The following ATXN10 variants were observed in gnomAD, a reference collection of about 807,000 sequenced individuals.
The protein encoded by ATXN10 is ataxin 10.
In ATXN10, 28 loss-of-function variants were observed where a neutral mutation model predicts 52.9. The ratio of observed to expected loss-of-function variants is 0.53; its 90% confidence interval spans 0.39 to 0.73. ATXN10 has a LOEUF of 0.73. ATXN10 is among the 30% of genes least tolerant of loss of function. The pLI, the probability that ATXN10 is intolerant of heterozygous loss-of-function variation, is 0.00. For missense variants in ATXN10, 565 were observed against 577.0 expected (o/e 0.98, Z 0.21); for synonymous variants, 226 against 221.5 (o/e 1.02, Z -0.18).
intron 9 of ATXN10, chr22:45,793,698 T>C: frequency 6.8e-7 from 1 of 1,478,782 alleles, no homozygotes; most frequent in Admixed American, 2.1e-5. Flanking sequence ...ATCACACAGC[T>C]CCATGCTGAG....
rs1045075355 is a variant in ATXN10, at chr22:45,671,854, G to C, written c.-210G>C. ...GCGGCGCCGTCTCCTCCTCCCGCCT[G>C]AGGCGAGTCTGGGCTCAGCCTAGAG... On this transcript the variant is annotated 5_prime_UTR_variant, in exon 1 of 12. Coordinates refer to ENST00000252934, the MANE Select transcript of ATXN10 (RefSeq NM_013236.4). 1 of 436,248 alleles carries C rather than the reference G, an allele frequency of 2.3e-6. No individual in the cohort carries two copies. 27.0% of individuals were successfully genotyped at this position (436,248 alleles called of 1,614,324 possible).
rs1359821402 is a variant in ATXN10 at position 45,841,503 on chromosome 22, G to C, written c.1238-1488G>C. Among the ~76,000 whole-genome samples, 1 of 152,216 alleles carries C rather than the reference G, an allele frequency of 6.6e-6. No homozygotes were observed. The highest frequency in any genetic ancestry group is 2.4e-5 in the African/African-American group (1 of 41,462). ...GCTGTGGAGGAGCTGGGAGACACAG[G>C]CCAGGAGCTTAAGTGCTGTGAGTAG... On this transcript the variant is annotated intron_variant, in intron 10 of 11. Transcript: ENST00000252934. This position sits in a 1 kb window ranked among gnomAD's most constrained non-coding sequence, Gnocchi z 5.1.
intron 9 of ATXN10, among the ~76,000 whole-genome samples, chr22:45,801,420 G>A (rs1029235946): frequency 5.9e-5 from 9 of 152,176 alleles, no homozygotes; most frequent in Non-Finnish European, 1.2e-4. Context: ...ATATGTTGCT[G>A]CCCAGGCATT....
Position 45,818,189 on chromosome 22 carries a change from A to C in ATXN10, c.1237+11167A>C, listed in dbSNP as rs1329920288. Among the ~76,000 whole-genome samples the C allele has an allele frequency of 6.6e-6, 1 of 152,214 alleles. No homozygotes were observed. Among genetic ancestry groups the C allele is most frequent in the Non-Finnish European group, 1.5e-5 (1 of 68,044 alleles). On this transcript the variant is annotated intron_variant, in intron 10 of 11. Transcript: ENST00000252934. This position sits in a 1 kb window ranked among gnomAD's most constrained non-coding sequence, Gnocchi z 4.6. Reference sequence around the variant, plus strand: ...CATTTTCTTACACCTCCAGAATCACAGAGGCTAGAAGCTAAAGCTGTGTCA... The same window carrying C: ...CATTTTCTTACACCTCCAGAATCACCGAGGCTAGAAGCTAAAGCTGTGTCA...
rs997342843 is a variant in ATXN10, at chr22:45,787,743, T to G, written c.1174-19216T>G. On this transcript the variant is annotated intron_variant, in intron 9 of 11. Coordinates refer to ENST00000252934, the MANE Select transcript of ATXN10 (RefSeq NM_013236.4). This position sits in a 1 kb window ranked among gnomAD's most constrained non-coding sequence, Gnocchi z 4.2. ...CAGAACACAGTAGGACATTTGCATA[T>G]TTCACAGCCCGCAGTTTGGAAATAC... Among the ~76,000 whole-genome samples the G allele has an allele frequency of 1.3e-5, 2 of 152,220 alleles. No individual in the cohort carries two copies. Among genetic ancestry groups the G allele is most frequent in the Non-Finnish European group, 2.9e-5 (2 of 68,048 alleles).
intron 9 of ATXN10, among the ~76,000 whole-genome samples, chr22:45,758,058 A>G (rs980694865): frequency 9.8e-5 from 15 of 152,388 alleles, no homozygotes; most frequent in African/African-American, 3.6e-4. Flanking sequence ...TTACCAGAAC[A>G]GTGGCGTCAG....
chr22:45,713,020 ATGT>A (rs1924308951), intron 5 of ATXN10, among the ~76,000 whole-genome samples: 1 of 151,838 alleles, frequency 6.6e-6, no homozygotes, highest in South Asian at 2.1e-4. Flanking sequence ...TATTTTACTC[ATGT>A]TGTGAGTATA....
intron 10 of ATXN10, among the ~76,000 whole-genome samples, chr22:45,814,754 C>A (rs758988211): frequency 5.4e-4 from 82 of 152,312 alleles, no homozygotes; most frequent in Non-Finnish European, 1.1e-3. Context: ...CCGGTGAGAT[C>A]AGCAGGAGGT....
At chr22:45,743,329 A>T (rs917236954) in intron 9 of ATXN10, among the ~76,000 whole-genome samples, 1 of 152,210 alleles carries the variant, frequency 6.6e-6, no homozygotes, top group Non-Finnish European at 1.5e-5. Context: ...CCAAAGACCG[A>T]CACAACGCCG....
intron 6 of ATXN10, among the ~76,000 whole-genome samples, chr22:45,726,524 A>T (rs544955105): frequency 6.6e-6 from 1 of 152,064 alleles, no homozygotes; most frequent in African/African-American, 2.4e-5. Context: ...TTCCGTTTCT[A>T]TTTGAGCTAA....
chr22:45,741,022 G>T (rs1278005160), intron 9 of ATXN10, among the ~76,000 whole-genome samples: 1 of 152,144 alleles, frequency 6.6e-6, no homozygotes, highest in Non-Finnish European at 1.5e-5. Context: ...ATGTGCAGAA[G>T]AGCTTAAAGG....
chr22:45,727,280 T>C lies in ATXN10; in HGVS notation c.729-2145T>C, dbSNP rs1207780722. Among the ~76,000 whole-genome samples the C allele has an allele frequency of 6.6e-6, 1 of 152,192 alleles. No homozygotes were observed. The highest frequency in any genetic ancestry group is 2.4e-5 in the African/African-American group (1 of 41,452). Reference sequence around the variant, plus strand: ...GAATTGATTTCTAGTTTTATTCTATTGTGGTCTGAGAAGATACTTGATATA... The same window carrying C: ...GAATTGATTTCTAGTTTTATTCTATCGTGGTCTGAGAAGATACTTGATATA... On this transcript the variant is annotated intron_variant, in intron 6 of 11. Transcript: ENST00000252934. This position sits in a 1 kb window ranked among gnomAD's most constrained non-coding sequence, Gnocchi z 4.6.
chr22:45,697,328 T>G (rs1173710442), intron 3 of ATXN10, among the ~76,000 whole-genome samples: 2 of 151,696 alleles, frequency 1.3e-5, no homozygotes, highest in Non-Finnish European at 2.9e-5. Flanking sequence ...AGAGATGGAG[T>G]TTCACCACAT....
rs978990436 is a variant in ATXN10 at position 45,823,629 on chromosome 22, C to T, written c.1237+16607C>T. On this transcript the variant is annotated intron_variant, in intron 10 of 11. Transcript: ENST00000252934. The surrounding 1 kb of genome is among the most constrained non-coding windows in gnomAD (Gnocchi z 4.9). ...ATCGTGACTTTATGATCTTGGTATC[C>T]GGTAGGGCCAATTTTGAATGTTAAC... Among the ~76,000 whole-genome samples the T allele has an allele frequency of 1.3e-5, 2 of 152,084 alleles. No homozygotes were observed. Among genetic ancestry groups the T allele is most frequent in the East Asian group, 1.9e-4 (1 of 5,200 alleles).
At chr22:45,702,956 TAA>T in intron 5 of ATXN10, 109 bp downstream of exon 5, 1 of 1,362,454 alleles carries the variant, frequency 7.3e-7, no homozygotes. Context: ...AACGATAAGT[TAA>T]AACTTAACAT....
chr22:45,744,698 TGTGCCA>T lies in ATXN10; in HGVS notation c.1173+4162_1173+4167del, dbSNP rs1185700602. On this transcript the variant is annotated intron_variant, in intron 9 of 11. Transcript: ENST00000252934. This position sits in a 1 kb window ranked among gnomAD's most constrained non-coding sequence, Gnocchi z 4.9. ...GGGGTGATGTGTCCTCTGGGCTGGC[TGTGCCA>T]GGAGCATTTCTCTCTAAGGACAGGC... is the stretch of plus-strand genomic sequence containing the variant. 3.3e-5 allele frequency: 5 copies of T among 152,276 alleles called. No homozygotes were observed. The highest frequency in any genetic ancestry group is 1.2e-4 in the African/African-American group (5 of 41,464). 9.4% of individuals were successfully genotyped at this position (152,276 alleles called of 1,614,324 possible). A position where few individuals can be genotyped will look rare whatever the true frequency, so the allele number is the denominator to read the frequency against.
Position 45,819,195 on chromosome 22 carries a change from TAGAATA to T in ATXN10, c.1237+12174_1237+12179del, listed in dbSNP as rs1324628705. Among the ~76,000 whole-genome samples the T allele has an allele frequency of 8.5e-5, 1 of 11,772 alleles. No individual in the cohort carries two copies. The highest frequency in any genetic ancestry group is 1.9e-4 in the Non-Finnish European group (1 of 5,286). The allele number at this position is 11,772 out of a possible 152,430, so 7.7% of individuals were successfully genotyped here. ...GTAGTATGAAGAATAGAATAGAAAA[TAGAATA>T]GAATAGAATAGAATAGAATAGAATA... On this transcript the variant is annotated intron_variant, in intron 10 of 11. Transcript: ENST00000252934. This position sits in a 1 kb window ranked among gnomAD's most constrained non-coding sequence, Gnocchi z 4.5.
At chr22:45,749,645 T>A (rs1232421985) in intron 9 of ATXN10, among the ~76,000 whole-genome samples, 4 of 151,600 alleles carry the variant, frequency 2.6e-5, no homozygotes, top group African/African-American at 9.7e-5. Flanking sequence ...CATTTTAGCC[T>A]TGAGCTCATG....
intron 10 of ATXN10, among the ~76,000 whole-genome samples, chr22:45,817,180 C>G (rs1928489865): frequency 1.3e-5 from 2 of 152,188 alleles, no homozygotes; most frequent in Non-Finnish European, 2.9e-5. Flanking sequence ...GGGGCGGCCT[C>G]TCTTCCGCTG....
Sources: gnomAD v4.1 joint callset for allele counts (sites outside exome capture counted in the v4.1 genomes callset) on GRCh38, gnomAD v4.1.1 for gene constraint, Gnocchi (gnomAD v3.1) non-coding constraint, MANE v1.5 for transcripts, NCBI Gene and HGNC (gene_info 2026-07-23, HGNC 2026-07-21) for gene names.